The following SLC10A7 variants were observed in gnomAD, a reference collection of about 807,000 sequenced individuals.
SLC10A7 encodes the protein sodium/bile acid cotransporter 7.
Under a neutral mutation model 43.2 loss-of-function variants are expected in SLC10A7, and 29 were observed. The ratio of observed to expected loss-of-function variants is 0.67; its 90% CI spans 0.50 to 0.92. SLC10A7 has a LOEUF of 0.92. SLC10A7 is among the 40% of genes least tolerant of loss of function. The probability of loss-of-function intolerance (pLI) is 0.00; values close to 1 mark genes in which losing one functional copy is unlikely to be tolerated. For synonymous variants in SLC10A7, 152 were observed against 144.8 expected (o/e 1.05, Z -0.35); for missense variants, 295 against 403.2 (o/e 0.73, Z 2.30).
At chr4:146,354,570 C>T (rs1276271340) in intron 5 of SLC10A7, among the ~76,000 whole-genome samples, 10 of 147,612 alleles carry the variant, frequency 6.8e-5, no homozygotes, top group South Asian at 6.6e-4. Context: ...AAAAAGAGCC[C>T]GCATCGCCAA....
chr4:146,458,196 C>A (rs1357333670), intron 4 of SLC10A7, among the ~76,000 whole-genome samples: 1 of 151,584 alleles, frequency 6.6e-6, no homozygotes, highest in East Asian at 1.9e-4. Context: ...CAAAGCAATT[C>A]ACCTTATCAA....
chr4:146,291,823 G>A (rs762073789), intron 9 of SLC10A7, among the ~76,000 whole-genome samples: 18 of 152,122 alleles, frequency 1.2e-4, no homozygotes, highest in Admixed American at 2.6e-4. Flanking sequence ...ACTGAATACA[G>A]GTTGGCTTAC....
intron 5 of SLC10A7, among the ~76,000 whole-genome samples, chr4:146,435,238 T>A (rs570050390): frequency 1.3e-5 from 2 of 152,292 alleles, no homozygotes; most frequent in South Asian, 2.1e-4. Context: ...AAGTCCATGA[T>A]GAAGTTTGGA....
chr4:146,261,298 C>A (rs1220762659), intron 10 of SLC10A7, among the ~76,000 whole-genome samples: 1 of 152,206 alleles, frequency 6.6e-6, no homozygotes, highest in African/African-American at 2.4e-5. Context: ...CAGCCTATAA[C>A]TCATCATGCC....
intron 10 of SLC10A7, among the ~76,000 whole-genome samples, chr4:146,263,244 C>G (rs952508931): frequency 5.3e-5 from 8 of 152,202 alleles, no homozygotes; most frequent in African/African-American, 1.9e-4. Flanking sequence ...CCATGCTTAC[C>G]TACGCCAGGG....
chr4:146,515,385 G>A (rs917644234), intron 2 of SLC10A7, among the ~76,000 whole-genome samples: 1 of 152,158 alleles, frequency 6.6e-6, no homozygotes, highest in African/African-American at 2.4e-5. Context: ...CCCCACATTT[G>A]AGAACAAATA....
chr4:146,342,658 A>C (rs1329142012), intron 5 of SLC10A7, among the ~76,000 whole-genome samples: 1 of 151,752 alleles, frequency 6.6e-6, no homozygotes, highest in Non-Finnish European at 1.5e-5. Flanking sequence ...TGCAATAATT[A>C]CTTTAGAGCA....
intron 5 of SLC10A7, among the ~76,000 whole-genome samples, chr4:146,428,832 G>C (rs1729564772): frequency 2.0e-5 from 3 of 151,954 alleles, no homozygotes; most frequent in African/African-American, 7.3e-5. Context: ...CTATATAATA[G>C]AAATCACTTA....
At chr4:146,399,917 G>A (rs1322060679) in intron 5 of SLC10A7, among the ~76,000 whole-genome samples, 1 of 152,048 alleles carries the variant, frequency 6.6e-6, no homozygotes, top group Non-Finnish European at 1.5e-5. Flanking sequence ...GATATCAATT[G>A]GCACAGAACA....
chr4:146,315,805 T>C (rs1732286616), intron 6 of SLC10A7, among the ~76,000 whole-genome samples: 1 of 152,100 alleles, frequency 6.6e-6, no homozygotes, highest in African/African-American at 2.4e-5. Flanking sequence ...TTAAGATTAT[T>C]AAAAAACTAT....
chr4:146,290,330 G>GAA (rs1373133863), intron 9 of SLC10A7, among the ~76,000 whole-genome samples: 3 of 110,158 alleles, frequency 2.7e-5, no homozygotes, highest in Non-Finnish European at 5.4e-5. Context: ...TCTCAAAAAA[G>GAA]AAAAAAAAAA....
intron 4 of SLC10A7, among the ~76,000 whole-genome samples, chr4:146,500,287 C>A (rs13134417): frequency 0.79 from 119,900 of 151,994 alleles, 47,657 homozygotes; most frequent in East Asian, 0.95. Context: ...AGCTGTCCTG[C>A]CTTACCCTCA....
chr4:146,498,693 T>C (rs745449198), intron 4 of SLC10A7, among the ~76,000 whole-genome samples: 13 of 152,218 alleles, frequency 8.5e-5, no homozygotes, highest in Non-Finnish European at 1.5e-4. Context: ...TTTGTTTACC[T>C]GAGAAATATA....
At chr4:146,385,781 C>T (rs530483114) in intron 5 of SLC10A7, among the ~76,000 whole-genome samples, 2 of 152,264 alleles carry the variant, frequency 1.3e-5, no homozygotes, top group South Asian at 2.1e-4. Flanking sequence ...TCCCCAGTGT[C>T]TCTTGTTGCC....
chr4:146,359,056 T>TA (rs1735862298), intron 5 of SLC10A7, among the ~76,000 whole-genome samples: 2 of 152,206 alleles, frequency 1.3e-5, no homozygotes, highest in Admixed American at 1.3e-4. Flanking sequence ...GACAATCTTC[T>TA]AAAAGTTTAG....
intron 5 of SLC10A7, among the ~76,000 whole-genome samples, chr4:146,354,446 G>C (rs1308280943): frequency 6.6e-6 from 1 of 151,864 alleles, no homozygotes; most frequent in Non-Finnish European, 1.5e-5. Context: ...TCAATATCGT[G>C]AAAATGGCCA....
intron 5 of SLC10A7, among the ~76,000 whole-genome samples, chr4:146,404,115 C>T (rs1426458218): frequency 6.6e-6 from 1 of 152,152 alleles, no homozygotes; most frequent in Admixed American, 6.5e-5. Context: ...CACCCGGGCT[C>T]AAGTGATCCT....
intron 6 of SLC10A7, among the ~76,000 whole-genome samples, chr4:146,322,112 A>G (rs1468782767): frequency 6.6e-6 from 1 of 152,148 alleles, no homozygotes; most frequent in Non-Finnish European, 1.5e-5. Flanking sequence ...TCATGAGCCT[A>G]TGGGTCTGTG....
chr4:146,447,668 T>TAA (rs777457673), intron 4 of SLC10A7, among the ~76,000 whole-genome samples: 1 of 142,478 alleles, frequency 7.0e-6, no homozygotes, highest in Non-Finnish European at 1.5e-5. Flanking sequence ...CAATCCTAGC[T>TAA]AAAAAAAAAA....
Sources: gnomAD v4.1 joint callset for allele counts (sites outside exome capture counted in the v4.1 genomes callset) on GRCh38, gnomAD v4.1.1 for gene constraint, MANE v1.5 for transcripts, NCBI Gene and HGNC (gene_info 2026-07-23, HGNC 2026-07-21) for gene names.